CCDC141: variants seen among roughly 807,000 people sequenced by gnomAD.
CCDC141 encodes the protein coiled-coil domain-containing protein 141.
Under a neutral mutation model 181.0 loss-of-function variants are expected in CCDC141, and 168 were observed. That is an observed-to-expected ratio of 0.93 (90% CI 0.82 to 1.05). CCDC141 has a LOEUF of 1.05. CCDC141 is among the 50% of genes least tolerant of loss of function. The pLI, the probability that CCDC141 is intolerant of heterozygous loss-of-function variation, is 0.00. For synonymous variants in CCDC141, 666 were observed against 642.3 expected, an observed-to-expected ratio of 1.04 and a Z score of -0.56; for missense variants, 1,902 against 1,788.5, an observed-to-expected ratio of 1.06 and a Z score of -1.14.
intron 2 of CCDC141, among the ~76,000 whole-genome samples, chr2:178,991,960 G>A (rs975840924): frequency 1.3e-5 from 2 of 151,940 alleles, no homozygotes; most frequent in African/African-American, 4.8e-5. Flanking sequence ...TACCAAAATT[G>A]TCCCAAGAAA....
intron 4 of CCDC141, among the ~76,000 whole-genome samples, chr2:178,969,715 A>C (rs996056313): frequency 6.6e-6 from 1 of 152,228 alleles, no homozygotes; most frequent in Non-Finnish European, 1.5e-5. Flanking sequence ...AAACCAGCAC[A>C]AGACAAAGAT....
chr2:178,866,815 T>A (rs1685875190), intron 16 of CCDC141, among the ~76,000 whole-genome samples: 1 of 152,148 alleles, frequency 6.6e-6, no homozygotes, highest in South Asian at 2.1e-4. Flanking sequence ...AACCTCCGCC[T>A]CCTGGGTTCA....
In CCDC141 at chr2:178,947,024, T is replaced by A. The variant is rs566957330; in HGVS notation, c.781-2373A>T. The stretch of plus-strand genomic sequence containing the variant: ...GGGTGTTACATCTCATTATGAGGTA[T>A]TCATACACAGGAGCAGACTCTTCGA... On this transcript the variant is annotated intron_variant, in intron 5 of 23. Coordinates refer to ENST00000443758, the MANE Select transcript of CCDC141 (RefSeq NM_173648.4). Among the ~76,000 whole-genome samples, 38 of 152,290 alleles carry A rather than the reference T, an allele frequency of 2.5e-4. 1 individual carries two copies. The South Asian group carries it at 7.2e-3, about 29-fold the overall frequency.
At chr2:178,899,612 T>C (rs1482736894) in intron 8 of CCDC141, among the ~76,000 whole-genome samples, 1 of 152,174 alleles carries the variant, frequency 6.6e-6, no homozygotes, top group Non-Finnish European at 1.5e-5. Context: ...ACGTGAAGTC[T>C]TGGGTTTCTT....
intron 17 of CCDC141, among the ~76,000 whole-genome samples, chr2:178,861,410 T>C (rs13416091): frequency 1.9e-4 from 29 of 151,988 alleles, no homozygotes; most frequent in African/African-American, 2.7e-4. Flanking sequence ...CTGAGGCAGG[T>C]GGGTCACCAG....
chr2:178,928,011 T>A (rs1329546598), intron 6 of CCDC141, among the ~76,000 whole-genome samples: 1 of 152,176 alleles, frequency 6.6e-6, no homozygotes, highest in Non-Finnish European at 1.5e-5. Context: ...AATTAACAGA[T>A]GATAAATAAA....
chr2:178,871,636 T>C, intron 13 of CCDC141, 84 bp from the exon 14 acceptor site: 1 of 1,471,754 alleles, frequency 6.8e-7, no homozygotes, highest in East Asian at 2.4e-5. Context: ...ACGCAGAGTG[T>C]GATCAAATTT....
intron 8 of CCDC141, among the ~76,000 whole-genome samples, chr2:178,898,989 A>T (rs902416569): frequency 5.3e-5 from 8 of 152,206 alleles, no homozygotes; most frequent in African/African-American, 1.9e-4. Flanking sequence ...CATTTGAAAC[A>T]ACCATATTAC....
At chr2:179,028,760 C>T (rs1200349381) in intron 2 of CCDC141, among the ~76,000 whole-genome samples, 1 of 152,040 alleles carries the variant, frequency 6.6e-6, no homozygotes, top group Non-Finnish European at 1.5e-5. Context: ...TATAACAAAA[C>T]CTTTAAAATT....
chr2:178,828,474 A>C (rs1377720088), downstream of CCDC141, among the ~76,000 whole-genome samples: 1 of 152,218 alleles, frequency 6.6e-6, no homozygotes. Flanking sequence ...CCAGAATGTG[A>C]TAAGAAATAC....
At chr2:179,036,458 C>A (rs551556756) in intron 2 of CCDC141, among the ~76,000 whole-genome samples, 1 of 152,168 alleles carries the variant, frequency 6.6e-6, no homozygotes, top group Non-Finnish European at 1.5e-5. Flanking sequence ...AGGCACTTTT[C>A]AAATGTAAAG....
chr2:179,005,363 G>A lies in CCDC141; in HGVS notation c.226-26688C>T, dbSNP rs536117418. On this transcript the variant is annotated intron_variant, in intron 2 of 23. Transcript: ENST00000443758. ...TTAAACAACGTAACACACTGGGATT[G>A]TTTAAATAGTTTTAAAATACGTTAT... Among the ~76,000 whole-genome samples, 9 of 152,160 alleles carry A rather than the reference G, an allele frequency of 5.9e-5. No individual in the cohort carries two copies. In the East Asian group the frequency reaches 1.7e-3, roughly 29 times the overall value.
the CCDC141 span, among the ~76,000 whole-genome samples, chr2:178,822,048 A>G: frequency 6.6e-6 from 1 of 152,180 alleles, no homozygotes; most frequent in Admixed American, 6.5e-5. Context: ...AAAATGTGGC[A>G]CATATACAAC....
At chr2:178,980,167 C>G (rs1691306101) in intron 2 of CCDC141, among the ~76,000 whole-genome samples, 2 of 152,092 alleles carry the variant, frequency 1.3e-5, no homozygotes. Flanking sequence ...GAGTAGATAG[C>G]TTCAAGGGAC....
chr2:178,856,112 T>A (rs1415663681), intron 18 of CCDC141, 145 bp downstream of exon 18: 1 of 644,324 alleles, frequency 1.6e-6, no homozygotes, highest in Non-Finnish European at 2.5e-6. Context: ...AAAATTGTTA[T>A]AAAAATAGAA....
At chr2:178,941,667 A>C in intron 6 of CCDC141, among the ~76,000 whole-genome samples, 1 of 152,052 alleles carries the variant, frequency 6.6e-6, no homozygotes, top group African/African-American at 2.4e-5. Context: ...TTAGAAAATA[A>C]ATTTGCCAGG....
At chr2:179,044,603 C>CAAA (rs2043425350) in intron 2 of CCDC141, among the ~76,000 whole-genome samples, 1 of 152,144 alleles carries the variant, frequency 6.6e-6, no homozygotes, top group South Asian at 2.1e-4. Flanking sequence ...CCCACCACTA[C>CAAA]CCACAATTTA....
intron 2 of CCDC141, among the ~76,000 whole-genome samples, chr2:178,981,283 T>C (rs538771096): frequency 6.6e-6 from 1 of 152,120 alleles, no homozygotes; most frequent in Admixed American, 6.6e-5. Context: ...CTTCCAACAA[T>C]GCATAACACA....
At chr2:178,995,970 G>A (rs1426029519) in intron 2 of CCDC141, among the ~76,000 whole-genome samples, 1 of 152,012 alleles carries the variant, frequency 6.6e-6, no homozygotes, top group African/African-American at 2.4e-5. Flanking sequence ...GATGGTGTTA[G>A]TTCAAGAATA....
Sources: gnomAD v4.1 joint callset for allele counts (sites outside exome capture counted in the v4.1 genomes callset) on GRCh38, gnomAD v4.1.1 for gene constraint, MANE v1.5 for transcripts, NCBI Gene and HGNC (gene_info 2026-07-23, HGNC 2026-07-21) for gene names.